The following EBF1 variants were observed in gnomAD, a reference collection of about 807,000 sequenced individuals.
The protein encoded by EBF1 is transcription factor COE1.
A neutral mutation model predicts 68.4 loss-of-function variants in EBF1; 10 were observed. The ratio of observed to expected loss-of-function variants is 0.15; its 90% CI spans 0.09 to 0.25. The LOEUF (loss-of-function observed/expected upper bound fraction) is 0.25, where lower values mean the gene tolerates loss of function less well. Among genes scored for constraint, EBF1 ranks in the 10% least tolerant of loss-of-function variants. The pLI is 1.00. For synonymous variants in EBF1, 298 were observed against 299.8 expected (o/e 0.99, Z 0.06); for missense variants, 509 against 794.4 (o/e 0.64, Z 4.32).
intron 6 of EBF1, among the ~76,000 whole-genome samples, chr5:159,010,692 G>C (rs769081735): frequency 2.0e-4 from 31 of 152,322 alleles, no homozygotes; most frequent in Middle Eastern, 3.4e-3. Flanking sequence ...TGTCCTGCCT[G>C]ATTTATCTGA....
Position 159,097,148 on chromosome 5 carries a change from G to A in EBF1, c.135-18C>T. On this transcript the variant is annotated intron_variant, in intron 1 of 15. Coordinates refer to ENST00000313708, the MANE Select transcript of EBF1 (RefSeq NM_024007.5). ...CCACCCCGCTGCGGCCAAAGACGCA[G>A]AGTTAGATGGCTAAACCGGACGCCG... 1 of 1,611,566 alleles carries A rather than the reference G, an allele frequency of 6.2e-7. No homozygotes were observed. Among genetic ancestry groups the A allele is most frequent in the Non-Finnish European group, 8.5e-7 (1 of 1,179,040 alleles).
At position 158,803,950 on chromosome 5, in the gene EBF1, CTGTGTGTG is replaced by C. The variant is rs10581149; in HGVS notation, c.779-7483_779-7476del. Among the ~76,000 whole-genome samples, 510 of 131,496 alleles carry C rather than the reference CTGTGTGTG, an allele frequency of 3.9e-3. 1 individual carries two copies. The highest frequency in any genetic ancestry group is 5.4e-3 in the Non-Finnish European group (333 of 61,934). 86.3% of individuals were successfully genotyped at this position (131,496 alleles called of 152,430 possible). On this transcript the variant is annotated intron_variant, in intron 8 of 15. Coordinates refer to ENST00000313708, the MANE Select transcript of EBF1 (RefSeq NM_024007.5). ...ATATGAAAAAGAGTCGTGTGTGTGT[CTGTGTGTG>C]TGTGTGTGTGTGTGTGTGTGTGTGA...
At chr5:158,791,850 A>G (rs1341184753) in intron 9 of EBF1, among the ~76,000 whole-genome samples, 1 of 152,170 alleles carries the variant, frequency 6.6e-6, no homozygotes, top group Non-Finnish European at 1.5e-5. Context: ...TTGTCTTTCC[A>G]AATAAAACAC....
intron 6 of EBF1, among the ~76,000 whole-genome samples, chr5:159,035,069 G>A (rs1209955538): frequency 1.3e-5 from 2 of 152,048 alleles, no homozygotes; most frequent in Admixed American, 1.3e-4. Flanking sequence ...TATTTTTGTG[G>A]CCTAATTACA....
intron 2 of EBF1, 57 bp from the exon 3 acceptor site, chr5:159,096,463 C>A (rs1782621425): frequency 1.4e-5 from 22 of 1,578,840 alleles, no homozygotes; most frequent in Non-Finnish European, 1.7e-5. Flanking sequence ...TCTGCGTGAG[C>A]GAGTGGACCA....
At chr5:158,733,361 C>A (rs187633455) in intron 10 of EBF1, among the ~76,000 whole-genome samples, 2 of 152,228 alleles carry the variant, frequency 1.3e-5, no homozygotes, top group Middle Eastern at 3.4e-3. Flanking sequence ...GTTGCCCCAC[C>A]ACTTCAATCA....
intron 10 of EBF1, among the ~76,000 whole-genome samples, chr5:158,747,602 T>C (rs1463627717): frequency 1.3e-5 from 2 of 152,206 alleles, no homozygotes; most frequent in Non-Finnish European, 1.5e-5. Flanking sequence ...GAAAGTATCA[T>C]GGACCATGTC....
chr5:158,933,550 AC>A (rs986080813), intron 6 of EBF1, among the ~76,000 whole-genome samples: 1 of 152,180 alleles, frequency 6.6e-6, no homozygotes, highest in African/African-American at 2.4e-5. Flanking sequence ...TAAAGGGTTC[AC>A]TGATTGTTTG....
At chr5:158,709,205 G>A (rs972247124) in intron 14 of EBF1, among the ~76,000 whole-genome samples, 4 of 152,046 alleles carry the variant, frequency 2.6e-5, no homozygotes, top group Admixed American at 6.5e-5. Context: ...TTTCTTCTAT[G>A]TTATTATTTT....
Position 158,823,201 on chromosome 5 carries a change from T to C in EBF1, c.753A>G (p.Glu251=), listed in dbSNP as rs756688192. 1 of 1,614,018 alleles carries C rather than the reference T, an allele frequency of 6.2e-7. No individual in the cohort carries two copies. Among genetic ancestry groups the C allele is most frequent in the Admixed American group, 1.7e-5 (1 of 59,998 alleles). Residue 251 remains glutamate (E), a synonymous_variant, in exon 8 of 16, where the codon GAA becomes GAG. Transcript: ENST00000313708. ...CATGTTCCAGATAAGAGGGCGTACC[T>C]TCCGAGGGGTCAAGCCTCCGAGCCC... ...GRRARRLDPS[E]GTPSYLEHAT... is the part of the protein sequence containing the mutation.
intron 6 of EBF1, among the ~76,000 whole-genome samples, chr5:158,904,178 C>T (rs1804056023): frequency 6.6e-6 from 1 of 152,152 alleles, no homozygotes; most frequent in Non-Finnish European, 1.5e-5. Flanking sequence ...CAAATTCTGC[C>T]TGTGCCTTCT....
intron 6 of EBF1, among the ~76,000 whole-genome samples, chr5:158,955,389 G>C (rs1023919757): frequency 2.0e-5 from 3 of 152,108 alleles, no homozygotes; most frequent in Admixed American, 1.3e-4. Flanking sequence ...TCAGGACTTA[G>C]AGCTAAAAAA....
At chr5:158,778,548 A>G (rs1427701653) in intron 9 of EBF1, among the ~76,000 whole-genome samples, 1 of 152,134 alleles carries the variant, frequency 6.6e-6, no homozygotes, top group Non-Finnish European at 1.5e-5. Context: ...CATGGGGATA[A>G]CTTAGAAAGG....
At chr5:158,918,201 T>A (rs1467267476) in intron 6 of EBF1, among the ~76,000 whole-genome samples, 1 of 152,244 alleles carries the variant, frequency 6.6e-6, no homozygotes, top group Non-Finnish European at 1.5e-5. Context: ...CTCAAACTAC[T>A]GGAAACTCTT....
intron 10 of EBF1, among the ~76,000 whole-genome samples, chr5:158,749,929 A>T (rs1037796421): frequency 2.6e-5 from 4 of 152,096 alleles, no homozygotes; most frequent in Non-Finnish European, 5.9e-5. Flanking sequence ...ATCTTTTCTC[A>T]TGATGACATC....
chr5:158,941,375 C>T (rs994669324), intron 6 of EBF1: 3 of 404,196 alleles, frequency 7.4e-6, no homozygotes, highest in African/African-American at 6.2e-5. Context: ...ACAATGGAAC[C>T]ATCTATAGTC....
intron 15 of EBF1, among the ~76,000 whole-genome samples, chr5:158,706,715 A>G (rs1411879323): frequency 1.3e-5 from 2 of 152,172 alleles, no homozygotes. Flanking sequence ...GAAACTTTGT[A>G]TGGCTGGGCT....
chr5:158,941,262 C>A, intron 6 of EBF1: 1 of 455,880 alleles, frequency 2.2e-6, no homozygotes, highest in Non-Finnish European at 4.4e-6. Flanking sequence ...CCAAACAATG[C>A]AGACTGGAGA....
intron 10 of EBF1, among the ~76,000 whole-genome samples, chr5:158,735,251 T>C (rs1232651956): frequency 6.6e-6 from 1 of 152,126 alleles, no homozygotes; most frequent in Admixed American, 6.5e-5. Flanking sequence ...AGCCAGGTCC[T>C]CCTTATAGTC....
Sources: allele counts gnomAD v4.1 joint callset (sites outside exome capture counted in the v4.1 genomes callset), GRCh38; gene constraint gnomAD v4.1.1; transcripts MANE v1.5; gene names NCBI Gene and HGNC (gene_info 2026-07-23, HGNC 2026-07-21).